The following VARS1 variants were observed in gnomAD, a reference collection of about 807,000 sequenced individuals.
The protein encoded by VARS1 is valyl-tRNA synthetase 1.
VARS1 carries 92 observed loss-of-function variants against 161.0 expected under a neutral mutation model. The ratio of observed to expected loss-of-function variants is 0.57; its 90% CI spans 0.48 to 0.68. The LOEUF (loss-of-function observed/expected upper bound fraction) is 0.68, where lower values mean the gene tolerates loss of function less well. Ranked by LOEUF, VARS1 falls within the 30% of genes least tolerant of loss-of-function variation. VARS1 has a pLI of 0.00. For synonymous variants in VARS1, 595 were observed against 682.5 expected (o/e 0.87, Z 2.00); for missense variants, 1,338 against 1,695.9 (o/e 0.79, Z 3.71).
Position 31,784,794 on chromosome 6 carries a change from C to G in VARS1, c.1348-80G>C. 6.3e-7 allele frequency: 1 copy of G among 1,596,394 alleles called. No homozygotes were observed. The highest frequency in any genetic ancestry group is 8.5e-7 in the Non-Finnish European group (1 of 1,171,374). ...GCAGACACCCAGGGCTCCAGTGAGG[C>G]CTTGCCCATACAGAGTCCCACTGGC... is the stretch of plus-strand genomic sequence containing the variant. On this transcript the variant is annotated intron_variant, in intron 10 of 29. Transcript: ENST00000375663. This position sits in a 1 kb window ranked among gnomAD's most constrained non-coding sequence, Gnocchi z 6.1.
rs1342832110 is a variant in VARS1 at position 31,777,747 on chromosome 6, G to C, written c.3727-85C>G. 2.7e-6 allele frequency: 4 copies of C among 1,503,988 alleles called. No homozygotes were observed. The highest frequency in any genetic ancestry group is 2.7e-6 in the Non-Finnish European group (3 of 1,102,266). 93.2% of individuals were successfully genotyped at this position (1,503,988 alleles called of 1,614,324 possible). A position where few individuals can be genotyped will look rare whatever the true frequency, so the allele number is the denominator to read the frequency against. ...CCCAGGACAACAAAGTTGGAAAGAT[G>C]AGCGAGGACCATGGGAGGTCAGTAG... On this transcript the variant is annotated intron_variant, in intron 29 of 29. Coordinates refer to ENST00000375663, the MANE Select transcript of VARS1 (RefSeq NM_006295.3). This position sits in a 1 kb window ranked among gnomAD's most constrained non-coding sequence, Gnocchi z 5.8.
rs748658161 is a variant in VARS1, at chr6:31,784,315, T to G, written c.1577-7A>C. 1.2e-6 allele frequency: 2 copies of G among 1,614,104 alleles called. No individual in the cohort carries two copies. The highest frequency in any genetic ancestry group is 4.5e-5 in the East Asian group (2 of 44,874). ...ACCACCTCCTCGTCGCTATCTGGGG[T>G]GACAGAAGGCCTTGTGGTCTTGGCC... On this transcript the variant is annotated splice_region_variant and splice_polypyrimidine_tract_variant and intron_variant, in intron 12 of 29. Coordinates refer to ENST00000375663, the MANE Select transcript of VARS1 (RefSeq NM_006295.3). This position sits in a 1 kb window ranked among gnomAD's most constrained non-coding sequence, Gnocchi z 6.1.
chr6:31,783,065 C>T (rs1813263012), intron 14 of VARS1, 31 bp downstream of exon 14: 1 of 1,608,594 alleles, frequency 6.2e-7, no homozygotes, highest in African/African-American at 1.3e-5. Flanking sequence ...CCAGTCTTTT[C>T]CTCTCCCCAC....
Position 31,785,434 on chromosome 6 carries a change from G to A in VARS1, c.1266-107C>T, listed in dbSNP as rs1813433155. 2 of 1,545,932 alleles carry A rather than the reference G, an allele frequency of 1.3e-6. No individual in the cohort carries two copies. Among genetic ancestry groups the A allele is most frequent in the South Asian group, 2.3e-5 (2 of 85,656 alleles). On this transcript the variant is annotated intron_variant, in intron 9 of 29. Coordinates refer to ENST00000375663, the MANE Select transcript of VARS1 (RefSeq NM_006295.3). This position sits in a 1 kb window ranked among gnomAD's most constrained non-coding sequence, Gnocchi z 6.1. The stretch of plus-strand genomic sequence containing the variant: ...CACCCATCCCCCTGAAATTTACCTG[G>A]GCCCTAGAGCCAACTGACTCTGCCT...
In VARS1 at chr6:31,783,336, C is replaced by A. The variant is rs1050670812; in HGVS notation, c.1672-150G>T. Reference sequence around the variant, plus strand: ...CCTGGCCAACATGGGGAAACCTAGTCTCTACTAAAAATACAAAAAAAAAAT... The same window carrying A: ...CCTGGCCAACATGGGGAAACCTAGTATCTACTAAAAATACAAAAAAAAAAT... On this transcript the variant is annotated intron_variant, in intron 13 of 29. Transcript: ENST00000375663. 3 of 723,176 alleles carry A rather than the reference C, an allele frequency of 4.1e-6. No individual in the cohort carries two copies. The East Asian group carries it at 8.2e-5, about 20-fold the overall frequency. 44.8% of individuals were successfully genotyped at this position (723,176 alleles called of 1,614,324 possible).
intron 2 of VARS1, 71 bp from the exon 3 acceptor site, chr6:31,793,191 G>A: frequency 6.6e-7 from 1 of 1,517,146 alleles, no homozygotes; most frequent in South Asian, 1.3e-5. Context: ...CCCAATCCAT[G>A]TGGCCTCCCT....
rs772210947 is a variant in VARS1, at chr6:31,779,250, G to A, written c.3443C>T (p.Ser1148Leu). The change falls in exon 29 of 30, where the codon TCG (serine) becomes TTG (leucine). Residue 1148 changes from serine (S) to leucine (L), a missense_variant. Ser to Leu is a moderately radical substitution (Grantham distance 145, BLOSUM62 -2). This residue lies in a region of VARS1 where 433 missense variants were observed against 586.2 expected (regional missense o/e 0.74). Coordinates refer to ENST00000375663, the MANE Select transcript of VARS1 (RefSeq NM_006295.3). The surrounding 1 kb of genome is among the most constrained non-coding windows in gnomAD (Gnocchi z 9.1). Reference sequence around the variant, plus strand: ...GGCCTGCACGTAGCCCGACACCGCCGATGCCAGGGCGCCCGTGGCCTCATC... The same window carrying A: ...GGCCTGCACGTAGCCCGACACCGCCAATGCCAGGGCGCCCGTGGCCTCATC... ...VADEATGALA[S>L]AVSGYVQALA... 12 of 1,604,982 alleles carry A rather than the reference G, an allele frequency of 7.5e-6. No homozygotes were observed. The highest frequency in any genetic ancestry group is 2.2e-5 in the South Asian group (2 of 90,938).
At position 31,784,126 on chromosome 6, in the gene VARS1, C is replaced by T. The variant is rs1407578322; in HGVS notation, c.1671+88G>A. 7.5e-6 allele frequency: 11 copies of T among 1,468,990 alleles called. No homozygotes were observed. Among genetic ancestry groups the T allele is most frequent in the Non-Finnish European group, 1.0e-5 (11 of 1,064,016 alleles). The allele number at this position is 1,468,990 out of a possible 1,614,324, so 91.0% of individuals were successfully genotyped here. ...TCTAACCCAGTTTCCTCTCCTCAGCCAGGGGCCTAAGTCCAACCCCTCCAC... is the reference window on the plus strand; with the variant it reads ...TCTAACCCAGTTTCCTCTCCTCAGCTAGGGGCCTAAGTCCAACCCCTCCAC... On this transcript the variant is annotated intron_variant, in intron 13 of 29. Coordinates refer to ENST00000375663, the MANE Select transcript of VARS1 (RefSeq NM_006295.3). This position sits in a 1 kb window ranked among gnomAD's most constrained non-coding sequence, Gnocchi z 6.1.
Position 31,785,285 on chromosome 6 carries a change from G to A in VARS1, c.1308C>T (p.Ser436=), listed in dbSNP as rs766929772. ...AACAGGCTCGATCCCAGTCCAAGGA[G>A]CTGCCAAGCTTCTTCAACTGGTGGT... is the stretch of plus-strand genomic sequence containing the variant. ...RIYHQLKKLG[S]SLDWDRACFT... The change falls in exon 10 of 30, where the codon AGC becomes AGT. Residue 436 remains serine, a synonymous_variant. Transcript: ENST00000375663. The surrounding 1 kb of genome is among the most constrained non-coding windows in gnomAD (Gnocchi z 6.1). 6.2e-7 allele frequency: 1 copy of A among 1,613,074 alleles called. No individual in the cohort carries two copies. The highest frequency in any genetic ancestry group is 1.1e-5 in the South Asian group (1 of 91,080).
Position 31,791,593 on chromosome 6 carries a change from T to C in VARS1, c.1100+17A>G. 2 of 1,599,686 alleles carry C rather than the reference T, an allele frequency of 1.3e-6. No individual in the cohort carries two copies. Among genetic ancestry groups the C allele is most frequent in the Non-Finnish European group, 1.7e-6 (2 of 1,172,884 alleles). On this transcript the variant is annotated intron_variant, in intron 8 of 29. Coordinates refer to ENST00000375663, the MANE Select transcript of VARS1 (RefSeq NM_006295.3). The surrounding 1 kb of genome is among the most constrained non-coding windows in gnomAD (Gnocchi z 5.0). ...CTAGGCAGAGGGAACCAGAGGAAGG[T>C]GCAGATAGAAGCTCACCATCGAGTC...
rs778531122 is a variant in VARS1, at chr6:31,778,923, G to A, written c.3726+44C>T. 6.2e-7 allele frequency: 1 copy of A among 1,611,386 alleles called. No homozygotes were observed. Among genetic ancestry groups the A allele is most frequent in the Non-Finnish European group, 8.5e-7 (1 of 1,178,802 alleles). ...GACCAGCCCAGACCAGGGTTTTGAT[G>A]GAGGAAGGGGATGGTGTGGGAAATG... On this transcript the variant is annotated intron_variant, in intron 29 of 29. Transcript: ENST00000375663. This position sits in a 1 kb window ranked among gnomAD's most constrained non-coding sequence, Gnocchi z 5.1.
At position 31,784,451 on chromosome 6, in the gene VARS1, T is replaced by C; in HGVS notation, c.1519A>G (p.Lys507Glu). 1.2e-6 allele frequency: 2 copies of C among 1,614,110 alleles called. No homozygotes were observed. The highest frequency in any genetic ancestry group is 1.7e-6 in the Non-Finnish European group (2 of 1,180,040). Residue 507 changes from lysine (K) to glutamate (E), a missense_variant, in exon 12 of 30, where the codon AAG becomes GAG. Physicochemically the swap from Lys to Glu is moderately conservative, Grantham distance 56. This residue lies in a region of VARS1 where 902 missense variants were observed against 1,090.3 expected (regional missense o/e 0.83). Coordinates refer to ENST00000375663, the MANE Select transcript of VARS1 (RefSeq NM_006295.3). This position sits in a 1 kb window ranked among gnomAD's most constrained non-coding sequence, Gnocchi z 6.1. ...AGGACCCCGAACTCCACCTTCTCCTTGTAGCCAGGCACGGAGAGCAGGGTG... is the reference window on the plus strand; with the variant it reads ...AGGACCCCGAACTCCACCTTCTCCTCGTAGCCAGGCACGGAGAGCAGGGTG... ...GRTLLSVPGY[K>E]EKVEFGVLVS...
Position 31,778,835 on chromosome 6 carries a change from G to A in VARS1, c.3726+132C>T, listed in dbSNP as rs1012053990. Reference sequence around the variant, plus strand: ...TTGTTTTTTAAGGCTAGTGGGAGTGGAGAAGGAACAAAGAAATCTGTAACT... The same window carrying A: ...TTGTTTTTTAAGGCTAGTGGGAGTGAAGAAGGAACAAAGAAATCTGTAACT... On this transcript the variant is annotated intron_variant, in intron 29 of 29. Coordinates refer to ENST00000375663, the MANE Select transcript of VARS1 (RefSeq NM_006295.3). The surrounding 1 kb of genome is among the most constrained non-coding windows in gnomAD (Gnocchi z 5.1). 41 of 1,250,028 alleles carry A rather than the reference G, an allele frequency of 3.3e-5. No individual in the cohort carries two copies. Among genetic ancestry groups the A allele is most frequent in the Non-Finnish European group, 4.6e-5 (41 of 898,216 alleles). 77.4% of individuals were successfully genotyped at this position (1,250,028 alleles called of 1,614,324 possible).
intron 13 of VARS1, among the ~76,000 whole-genome samples, chr6:31,783,870 C>T (rs1813318198): frequency 6.6e-6 from 1 of 152,126 alleles, no homozygotes; most frequent in Non-Finnish European, 1.5e-5. Flanking sequence ...ACTATGTTGG[C>T]CAGGCTAGTC....
chr6:31,778,002 C>T lies in VARS1; in HGVS notation c.3727-340G>A, dbSNP rs1043297138. On this transcript the variant is annotated intron_variant, in intron 29 of 29. Transcript: ENST00000375663. This position sits in a 1 kb window ranked among gnomAD's most constrained non-coding sequence, Gnocchi z 5.1. ...TGTCAGATGATGATGATGATATTGC[C>T]CCCCTCCCAGGGCTCTTGGGAGAAC... 18 of 406,260 alleles carry T rather than the reference C, an allele frequency of 4.4e-5. No homozygotes were observed. Among genetic ancestry groups the T allele is most frequent in the Non-Finnish European group, 8.1e-5 (18 of 221,540 alleles). The allele number at this position is 406,260 out of a possible 1,614,324, so 25.2% of individuals were successfully genotyped here.
At position 31,782,637 on chromosome 6, in the gene VARS1, G is replaced by A; in HGVS notation, c.1888-4C>T. On this transcript the variant is annotated splice_region_variant and splice_polypyrimidine_tract_variant and intron_variant, in intron 15 of 29. Coordinates refer to ENST00000375663, the MANE Select transcript of VARS1 (RefSeq NM_006295.3). The surrounding 1 kb of genome is among the most constrained non-coding windows in gnomAD (Gnocchi z 8.3). ...TGGCCTCAAACCTGGGCAGGCCCTG[G>A]GTAGGAATGAGGCCTCATCATGGCG... 6.2e-7 allele frequency: 1 copy of A among 1,613,058 alleles called. No individual in the cohort carries two copies. The highest frequency in any genetic ancestry group is 8.5e-7 in the Non-Finnish European group (1 of 1,180,012).
At chr6:31,794,771 CAGT>C in intron 2 of VARS1, 57 bp downstream of exon 2, 1 of 1,499,926 alleles carries the variant, frequency 6.7e-7, no homozygotes, top group Non-Finnish European at 8.9e-7. Flanking sequence ...TTGTCCATTC[CAGT>C]CCTCGCTTCC....
In VARS1 at chr6:31,784,340, C is replaced by T. The variant is rs1813350670; in HGVS notation, c.1577-32G>A. 5 of 1,614,070 alleles carry T rather than the reference C, an allele frequency of 3.1e-6. No individual in the cohort carries two copies. The East Asian group carries it at 8.9e-5, about 29-fold the overall frequency. ...TGACAGAAGGCCTTGTGGTCTTGGC[C>T]TTGGCCCCTTCCTGCCACTCCCAGC... On this transcript the variant is annotated intron_variant, in intron 12 of 29. Transcript: ENST00000375663. The surrounding 1 kb of genome is among the most constrained non-coding windows in gnomAD (Gnocchi z 6.1).
rs764358211 is a variant in VARS1 at position 31,794,957 on chromosome 6, T to C, written c.261A>G (p.Pro87=). 3.7e-6 allele frequency: 6 copies of C among 1,612,456 alleles called. No homozygotes were observed. The highest frequency in any genetic ancestry group is 3.3e-5 in the South Asian group (3 of 91,072). The change falls in exon 2 of 30, where the codon CCA becomes CCG. Residue 87 remains proline, a synonymous_variant. Transcript: ENST00000375663. Reference sequence around the variant, plus strand: ...CAAGGACAGCCGCCCGGCTGCCCCCTGGGCCCCCCAGGCCTGCTGGCCACA... The same window carrying C: ...CAAGGACAGCCGCCCGGCTGCCCCCCGGGCCCCCCAGGCCTGCTGGCCACA... ...QLLWPAGLGG[P]GGSRAAVLVQ...
Sources: gnomAD v4.1 joint callset for allele counts (sites outside exome capture counted in the v4.1 genomes callset) on GRCh38, gnomAD v4.1.1 for gene constraint, gnomAD v4.1.1 regional missense constraint, Gnocchi (gnomAD v3.1) non-coding constraint, MANE v1.5 for transcripts, NCBI Gene and HGNC (gene_info 2026-07-23, HGNC 2026-07-21) for gene names.